KMT2C: variants seen among roughly 807,000 people sequenced by gnomAD.
KMT2C encodes the protein lysine methyltransferase 2C, also known as histone-lysine N-methyltransferase 2C.
In KMT2C, 88 loss-of-function variants were observed where a neutral mutation model predicts 507.9. The ratio of observed to expected loss-of-function variants is 0.17; its 90% CI spans 0.15 to 0.21. The LOEUF is 0.21. Ranked by LOEUF, KMT2C falls within the 10% of genes least tolerant of loss-of-function variation. KMT2C has a pLI of 1.00. For missense variants in KMT2C, 4,954 were observed against 5,957.8 expected, an observed-to-expected ratio of 0.83 and a Z score of 5.55; for synonymous variants, 2,049 against 2,080.8, an observed-to-expected ratio of 0.98 and a Z score of 0.42.
intron 9 of KMT2C, among the ~76,000 whole-genome samples, 184 bp downstream of exon 9, chr7:152,262,832 G>C (rs957591557): frequency 1.3e-5 from 2 of 152,094 alleles, no homozygotes; most frequent in African/African-American, 4.8e-5. Flanking sequence ...AAACTTTTGA[G>C]GGTGATGACT....
At chr7:152,356,716 C>T (rs1280714283) in intron 2 of KMT2C, among the ~76,000 whole-genome samples, 1 of 151,382 alleles carries the variant, frequency 6.6e-6, no homozygotes, top group Non-Finnish European at 1.5e-5. Context: ...TGGTGAAACC[C>T]CATCTCTACT....
intron 2 of KMT2C, among the ~76,000 whole-genome samples, chr7:152,339,623 A>G (rs1193047491): frequency 1.3e-5 from 2 of 152,214 alleles, no homozygotes; most frequent in Non-Finnish European, 2.9e-5. Flanking sequence ...TCCATGGATT[A>G]CATCATAGTA....
chr7:152,200,928 A>G (rs1201617049), intron 26 of KMT2C, among the ~76,000 whole-genome samples: 1 of 152,194 alleles, frequency 6.6e-6, no homozygotes, highest in Non-Finnish European at 1.5e-5. Context: ...TCATCTCACT[A>G]TGAAAAATCT....
intron 27 of KMT2C, among the ~76,000 whole-genome samples, chr7:152,197,954 A>G (rs566369716): frequency 3.3e-5 from 5 of 152,234 alleles, no homozygotes; most frequent in African/African-American, 4.8e-5. Context: ...ACTTGTATCA[A>G]TATCTTTCCT....
At chr7:152,282,296 C>CAA (rs1299162491) in intron 6 of KMT2C, among the ~76,000 whole-genome samples, 1,179 of 102,640 alleles carry the variant, frequency 0.011, 19 homozygotes, top group African/African-American at 0.041. Context: ...GACCTTGTCT[C>CAA]AAAAAAAAAA....
At chr7:152,303,639 C>T (rs2096590818) in intron 6 of KMT2C, among the ~76,000 whole-genome samples, 2 of 151,918 alleles carry the variant, frequency 1.3e-5, no homozygotes, top group South Asian at 4.1e-4. Flanking sequence ...TACACAAATG[C>T]AGACAGAATA....
intron 2 of KMT2C, among the ~76,000 whole-genome samples, chr7:152,355,022 G>A (rs1291057910): frequency 6.6e-6 from 1 of 152,202 alleles, no homozygotes; most frequent in Non-Finnish European, 1.5e-5. Context: ...GCAGTCCAGT[G>A]GAATGGTAGT....
At position 152,187,523 on chromosome 7, in the gene KMT2C, T is replaced by G. The variant is rs781485069; in HGVS notation, c.4794-47A>C. ...TACTTTATGAACATAAAATAACTTC[T>G]TAATATATGTTCAAGTATAGCTTTC... On this transcript the variant is annotated intron_variant, in intron 32 of 58. Transcript: ENST00000262189. The G allele has an allele frequency of 2.6e-5, 39 of 1,520,904 alleles. No individual in the cohort carries two copies. In the African/African-American group the frequency reaches 4.6e-4, roughly 18 times the overall value. 94.2% of individuals were successfully genotyped at this position (1,520,904 alleles called of 1,614,324 possible). A position where few individuals can be genotyped will look rare whatever the true frequency, so the allele number is the denominator to read the frequency against.
chr7:152,385,991 G>C (rs571061006), intron 1 of KMT2C, among the ~76,000 whole-genome samples: 1 of 151,994 alleles, frequency 6.6e-6, no homozygotes, highest in South Asian at 2.1e-4. Flanking sequence ...GGGAGGCTGA[G>C]GCAGGAGAAG....
At chr7:152,149,233 G>A (rs1016218913) in intron 51 of KMT2C, 81 bp from the exon 52 acceptor site, 27 of 1,349,144 alleles carry the variant, frequency 2.0e-5, no homozygotes, top group Non-Finnish European at 2.5e-5. Context: ...AAGAAGCTGA[G>A]CAGTATGACT....
chr7:152,336,438 TCAACCAGGGATC>T (rs1356419819), intron 2 of KMT2C, among the ~76,000 whole-genome samples: 18 of 152,088 alleles, frequency 1.2e-4, no homozygotes, highest in Admixed American at 1.2e-3. Flanking sequence ...AAAAATGATG[TCAACCAGGGATC>T]CAACCAGAGA....
At chr7:152,156,468 G>A (rs965723868) in intron 44 of KMT2C, 122 bp from the exon 45 acceptor site, 2 of 1,240,850 alleles carry the variant, frequency 1.6e-6, no homozygotes, top group African/African-American at 1.5e-5. Flanking sequence ...TAATCAAGAT[G>A]TATCTTGCAC....
At chr7:152,415,902 T>G (rs2097730485) in intron 1 of KMT2C, among the ~76,000 whole-genome samples, 1 of 151,908 alleles carries the variant, frequency 6.6e-6, no homozygotes, top group Non-Finnish European at 1.5e-5. Flanking sequence ...AAAAAGAAAT[T>G]CAAAATATTC....
chr7:152,210,221 A>C (rs528464577), intron 23 of KMT2C, among the ~76,000 whole-genome samples: 1 of 152,202 alleles, frequency 6.6e-6, no homozygotes, highest in Non-Finnish European at 1.5e-5. Flanking sequence ...TGAGCAGTTC[A>C]AGAAGAACAT....
At chr7:152,222,144 A>C (rs1466443087) in intron 21 of KMT2C, 78 bp from the exon 22 acceptor site, 2 of 954,404 alleles carry the variant, frequency 2.1e-6, no homozygotes, top group Non-Finnish European at 3.1e-6. Context: ...TATGATTATA[A>C]TTTCTGTTTC....
chr7:152,431,803 T>C (rs192078981), intron 1 of KMT2C, among the ~76,000 whole-genome samples: 1 of 152,268 alleles, frequency 6.6e-6, no homozygotes. Context: ...AATAAATTAT[T>C]AAGAATTGCT....
chr7:152,294,201 G>A (rs934643154), intron 6 of KMT2C, among the ~76,000 whole-genome samples: 5 of 152,062 alleles, frequency 3.3e-5, no homozygotes, highest in Admixed American at 1.3e-4. Context: ...TATGCCTAAC[G>A]GCATTCCAAG....
At chr7:152,404,264 C>A (rs2097592007) in intron 1 of KMT2C, among the ~76,000 whole-genome samples, 1 of 151,958 alleles carries the variant, frequency 6.6e-6, no homozygotes, top group Non-Finnish European at 1.5e-5. Flanking sequence ...CCTAAACTTT[C>A]CCTCATAATG....
At chr7:152,182,661 A>G (rs1407909924) in intron 35 of KMT2C, 67 bp from the exon 36 acceptor site, 6 of 1,348,922 alleles carry the variant, frequency 4.4e-6, no homozygotes, top group African/African-American at 4.4e-5. Context: ...TCATGGGGGG[A>G]AAAAGCAACA....
Sources: allele counts gnomAD v4.1 joint callset (sites outside exome capture counted in the v4.1 genomes callset), GRCh38; gene constraint gnomAD v4.1.1; transcripts MANE v1.5; gene names NCBI Gene and HGNC (gene_info 2026-07-23, HGNC 2026-07-21).